The following ANAPC5 variants were observed in gnomAD, a reference collection of about 807,000 sequenced individuals.
ANAPC5 encodes the protein anaphase-promoting complex subunit 5.
Under a neutral mutation model 91.3 loss-of-function variants are expected in ANAPC5, and 60 were observed. The ratio of observed to expected loss-of-function variants is 0.66; its 90% confidence interval spans 0.53 to 0.81. The LOEUF (loss-of-function observed/expected upper bound fraction) is 0.81. Ranked by LOEUF, ANAPC5 falls within the 40% of genes least tolerant of loss-of-function variation. ANAPC5 has a pLI of 0.00. For missense variants in ANAPC5, 690 were observed against 931.5 expected (o/e 0.74, Z 3.37); for synonymous variants, 340 against 364.1 (o/e 0.93, Z 0.75).
At chr12:121,329,524 A>T (rs540680366) in intron 9 of ANAPC5, among the ~76,000 whole-genome samples, 4 of 152,154 alleles carry the variant, frequency 2.6e-5, no homozygotes, top group African/African-American at 2.4e-5. Flanking sequence ...CACAAACTTC[A>T]TAAGACAGAA....
Position 121,318,417 on chromosome 12 carries a change from G to A in ANAPC5, c.1753C>T (p.Leu585=). The change falls in exon 15 of 17, where the codon CTG becomes TTG. Residue 585 remains leucine (L), a synonymous_variant. Transcript: ENST00000261819. The part of the protein sequence containing the change: ...KNTEMVISVL[L]SVAELYWRSS... ...CGCCAGTACAGCTCTGCCACGGACA[G>A]TAGGACACTGACCGTAAAGAGGAAA... is the stretch of plus-strand genomic sequence containing the variant. The A allele has an allele frequency of 6.2e-7, 1 of 1,611,292 alleles. No homozygotes were observed. The highest frequency in any genetic ancestry group is 1.3e-5 in the African/African-American group (1 of 75,002).
intron 6 of ANAPC5, among the ~76,000 whole-genome samples, chr12:121,336,490 C>T (rs1903243744): frequency 6.6e-6 from 1 of 151,966 alleles, no homozygotes; most frequent in Non-Finnish European, 1.5e-5. Flanking sequence ...CCAGCCTGGC[C>T]AACATGGTGA....
intron 5 of ANAPC5, 112 bp from the exon 6 acceptor site, chr12:121,337,504 C>G (rs1310064528): frequency 1.5e-5 from 11 of 751,332 alleles, no homozygotes; most frequent in Non-Finnish European, 2.1e-5. Flanking sequence ...TCCCTTCAGG[C>G]TCTGGCCCCT....
chr12:121,346,948 A>G lies in ANAPC5; in HGVS notation c.345T>C (p.Leu115=), dbSNP rs781924805. ...LKDMEQFFDD[L]SDSFSGTEPE... The stretch of plus-strand genomic sequence containing the variant: ...GTTCAGTTCCAGAGAAAGAATCTGA[A>G]AGGTCATCAAAAAACTGTTCCATAT... The change falls in exon 3 of 17, where the codon CTT becomes CTC. Residue 115 remains leucine (L), a synonymous_variant. Transcript: ENST00000261819. 2 of 1,612,370 alleles carry G rather than the reference A, an allele frequency of 1.2e-6. No individual in the cohort carries two copies. Among genetic ancestry groups the G allele is most frequent in the East Asian group, 2.2e-5 (1 of 44,716 alleles).
At chr12:121,312,043 C>T (rs778480873) in intron 15 of ANAPC5, among the ~76,000 whole-genome samples, 2 of 152,146 alleles carry the variant, frequency 1.3e-5, no homozygotes, top group Non-Finnish European at 2.9e-5. Context: ...GCATATGGAA[C>T]ACTTTCCAGG....
At chr12:121,333,218 A>T (rs1315303504) in intron 7 of ANAPC5, 1 of 152,174 alleles carries the variant, frequency 6.6e-6, no homozygotes, top group Non-Finnish European at 1.5e-5. Context: ...CGGGAAGCTG[A>T]GACAGGAGAA....
At chr12:121,327,661 T>C (rs782755332) in intron 10 of ANAPC5, 16 of 169,770 alleles carry the variant, frequency 9.4e-5, no homozygotes, top group Non-Finnish European at 1.7e-4. Flanking sequence ...AAAACAAGAC[T>C]GGTAAAAAAG....
chr12:121,327,047 G>A (rs1555272321), intron 11 of ANAPC5, 49 bp downstream of exon 11: 1 of 1,544,754 alleles, frequency 6.5e-7, no homozygotes, highest in Admixed American at 2.0e-5. Context: ...GAAAGAAATG[G>A]TAGAGCCTCC....
At chr12:121,340,502 C>T (rs1555273991) in intron 5 of ANAPC5, among the ~76,000 whole-genome samples, 1 of 151,746 alleles carries the variant, frequency 6.6e-6, no homozygotes, top group African/African-American at 2.4e-5. Flanking sequence ...TTTTTCTAAT[C>T]TGTTTGAAAT....
chr12:121,320,519 C>T, intron 11 of ANAPC5, 60 bp from the exon 12 acceptor site: 6 of 1,428,694 alleles, frequency 4.2e-6, no homozygotes, highest in Non-Finnish European at 5.9e-6. Context: ...ACCTGCTGTA[C>T]CATGCACAGA....
rs1274850886 is a variant in ANAPC5, at chr12:121,342,192, C to A, written c.591-123G>T. 3 of 679,454 alleles carry A rather than the reference C, an allele frequency of 4.4e-6. No individual in the cohort carries two copies. Among genetic ancestry groups the A allele is most frequent in the Non-Finnish European group, 4.9e-6 (2 of 411,502 alleles). The allele number at this position is 679,454 out of a possible 1,614,324, so 42.1% of individuals were successfully genotyped here. A position where few individuals can be genotyped will look rare whatever the true frequency, so the allele number is the denominator to read the frequency against. ...AAAAAATTTAACTCTCTCCTCAGAA[C>A]TAGGAAAGAAAAACATAAAAAGTGA... On this transcript the variant is annotated intron_variant, in intron 4 of 16. Coordinates refer to ENST00000261819, the MANE Select transcript of ANAPC5 (RefSeq NM_016237.5). The surrounding 1 kb of genome is among the most constrained non-coding windows in gnomAD (Gnocchi z 4.1).
chr12:121,344,971 G>T (rs550762371), intron 4 of ANAPC5, among the ~76,000 whole-genome samples: 2 of 152,346 alleles, frequency 1.3e-5, no homozygotes, highest in African/African-American at 4.8e-5. Flanking sequence ...GCTGCCTGAA[G>T]AACAGATGTA....
chr12:121,345,111 T>C (rs781848069), intron 4 of ANAPC5, among the ~76,000 whole-genome samples: 4 of 152,124 alleles, frequency 2.6e-5, no homozygotes, highest in East Asian at 3.8e-4. Context: ...GTTCCAAACA[T>C]AGCAGGGAGG....
chr12:121,348,990 C>T (rs543305165), intron 1 of ANAPC5, among the ~76,000 whole-genome samples: 4 of 152,172 alleles, frequency 2.6e-5, no homozygotes, highest in South Asian at 2.1e-4. Context: ...TGGGGCCTGG[C>T]GCAGTGGCTC....
At chr12:121,340,845 C>A (rs1903429969) in intron 5 of ANAPC5, among the ~76,000 whole-genome samples, 1 of 151,542 alleles carries the variant, frequency 6.6e-6, no homozygotes, top group South Asian at 2.1e-4. Flanking sequence ...CAGGCGTGAG[C>A]CACCATGCCC....
intron 11 of ANAPC5, among the ~76,000 whole-genome samples, chr12:121,324,008 C>G (rs1902717241): frequency 6.6e-6 from 1 of 152,062 alleles, no homozygotes; most frequent in Non-Finnish European, 1.5e-5. Context: ...CACTCTACCT[C>G]CTCTGGGTTG....
At chr12:121,327,515 T>C (rs80124621) in intron 10 of ANAPC5, 2 of 390,998 alleles carry the variant, frequency 5.1e-6, no homozygotes, top group South Asian at 2.9e-5. Context: ...CCTGCAGTCA[T>C]AGTATGTTAA....
At chr12:121,310,015 GA>G (rs1902093308) in intron 15 of ANAPC5, 152 bp from the exon 16 acceptor site, 5 of 607,732 alleles carry the variant, frequency 8.2e-6, no homozygotes, top group Non-Finnish European at 1.3e-5. Flanking sequence ...CACATTCCTA[GA>G]AAACACAACA....
upstream of ANAPC5, among the ~76,000 whole-genome samples, chr12:121,352,751 GTTT>G (rs1903962952): frequency 6.6e-6 from 1 of 151,764 alleles, no homozygotes; most frequent in Admixed American, 6.6e-5. Flanking sequence ...CGTTGTTGTT[GTTT>G]GAGACGATAT....
Sources: gnomAD v4.1 joint callset for allele counts (sites outside exome capture counted in the v4.1 genomes callset) on GRCh38, gnomAD v4.1.1 for gene constraint, Gnocchi (gnomAD v3.1) non-coding constraint, MANE v1.5 for transcripts, NCBI Gene and HGNC (gene_info 2026-07-23, HGNC 2026-07-21) for gene names.